ARHGAP24: variants seen among roughly 807,000 people sequenced by gnomAD.
The protein encoded by ARHGAP24 is rho GTPase-activating protein 24.
In ARHGAP24, 50 loss-of-function variants were observed where a neutral mutation model predicts 76.4. The observed-to-expected ratio is 0.65, with a 90% CI of 0.52 to 0.83. The LOEUF is 0.83. ARHGAP24 is among the 40% of genes least tolerant of loss of function. The probability of loss-of-function intolerance (pLI) is 0.00; values close to 1 mark genes in which losing one functional copy is unlikely to be tolerated. For synonymous variants in ARHGAP24, 345 were observed against 323.3 expected (o/e 1.07, Z -0.72); for missense variants, 930 against 914.2 (o/e 1.02, Z -0.22).
intron 2 of ARHGAP24, among the ~76,000 whole-genome samples, chr4:85,603,087 G>T (rs774258431): frequency 2.6e-5 from 4 of 152,158 alleles, no homozygotes; most frequent in Non-Finnish European, 5.9e-5. Flanking sequence ...GTACTGTGAG[G>T]AAATAAACTG....
At chr4:85,681,536 T>C (rs993876583) in intron 2 of ARHGAP24, among the ~76,000 whole-genome samples, 3 of 152,200 alleles carry the variant, frequency 2.0e-5, no homozygotes, top group African/African-American at 4.8e-5. Flanking sequence ...CAATAGTAGA[T>C]AGCAGCTGCA....
intron 1 of ARHGAP24, among the ~76,000 whole-genome samples, chr4:85,486,756 T>G (rs1280766531): frequency 6.6e-6 from 1 of 152,220 alleles, no homozygotes; most frequent in Non-Finnish European, 1.5e-5. Flanking sequence ...TGCGGAAGTT[T>G]CCATTCAATG....
At chr4:85,487,458 A>G (rs1163859749) in intron 1 of ARHGAP24, among the ~76,000 whole-genome samples, 1 of 69,960 alleles carries the variant, frequency 1.4e-5, no homozygotes, top group Non-Finnish European at 2.9e-5. Flanking sequence ...TATATATTAT[A>G]TAAACATATA....
At chr4:85,490,684 A>G (rs982361371) in intron 1 of ARHGAP24, among the ~76,000 whole-genome samples, 1 of 152,216 alleles carries the variant, frequency 6.6e-6, no homozygotes, top group African/African-American at 2.4e-5. Flanking sequence ...AATTAGCCCT[A>G]GCTCTTATTA....
chr4:85,628,527 C>T (rs57062765), intron 2 of ARHGAP24, among the ~76,000 whole-genome samples: 8,003 of 152,120 alleles, frequency 0.053, 682 homozygotes, highest in African/African-American at 0.18. Flanking sequence ...TTATCTGTGG[C>T]GGTGTTCACA....
At chr4:85,891,133 G>A (rs1013112947) in intron 3 of ARHGAP24, among the ~76,000 whole-genome samples, 2 of 152,146 alleles carry the variant, frequency 1.3e-5, no homozygotes, top group African/African-American at 2.4e-5. Flanking sequence ...GTGCTAATAT[G>A]ACTAAATGAC....
At chr4:85,870,989 GA>G (rs1732495869) in intron 3 of ARHGAP24, among the ~76,000 whole-genome samples, 3 of 152,086 alleles carry the variant, frequency 2.0e-5, no homozygotes, top group Admixed American at 2.0e-4. Context: ...GTTGAAATAA[GA>G]GGAGAAATTA....
At chr4:85,559,401 A>AT (rs1365424805) in intron 1 of ARHGAP24, among the ~76,000 whole-genome samples, 15 of 151,014 alleles carry the variant, frequency 9.9e-5, no homozygotes, top group African/African-American at 3.4e-4. Context: ...TCACATCCTT[A>AT]TTTTTTGTGA....
intron 3 of ARHGAP24, among the ~76,000 whole-genome samples, chr4:85,820,713 ACACT>A (rs1451383350): frequency 6.6e-6 from 1 of 152,206 alleles, no homozygotes; most frequent in Non-Finnish European, 1.5e-5. Flanking sequence ...AGTTTGGCTA[ACACT>A]CACCATGATG....
intron 3 of ARHGAP24, among the ~76,000 whole-genome samples, chr4:85,758,329 T>C (rs1156447277): frequency 6.6e-6 from 1 of 151,992 alleles, no homozygotes; most frequent in Non-Finnish European, 1.5e-5. Flanking sequence ...AAGCCACCTG[T>C]GAGTGGATGT....
intron 3 of ARHGAP24, among the ~76,000 whole-genome samples, chr4:85,851,586 C>G (rs928738958): frequency 3.3e-5 from 5 of 152,296 alleles, no homozygotes; most frequent in African/African-American, 9.6e-5. Flanking sequence ...GTGGCTGGTA[C>G]CAGTTGTTCC....
chr4:85,987,718 A>G (rs1740084345), intron 8 of ARHGAP24, among the ~76,000 whole-genome samples: 1 of 152,052 alleles, frequency 6.6e-6, no homozygotes, highest in South Asian at 2.1e-4. Flanking sequence ...ACTTAAAAAG[A>G]ATAAATTCAG....
At chr4:85,952,527 G>T (rs1382847613) in intron 5 of ARHGAP24, among the ~76,000 whole-genome samples, 1 of 152,196 alleles carries the variant, frequency 6.6e-6, no homozygotes, top group Non-Finnish European at 1.5e-5. Context: ...AAACAGAAAA[G>T]GTGGTGTGAG....
At chr4:85,549,481 T>A (rs11946933) in intron 1 of ARHGAP24, among the ~76,000 whole-genome samples, 91,352 of 151,510 alleles carry the variant, frequency 0.6, 29,605 homozygotes, top group Middle Eastern at 0.75. Context: ...TTAAATCTTT[T>A]CTCATTTTCT....
At chr4:85,762,284 A>C (rs761103629) in intron 3 of ARHGAP24, among the ~76,000 whole-genome samples, 1 of 152,238 alleles carries the variant, frequency 6.6e-6, no homozygotes, top group Non-Finnish European at 1.5e-5. Context: ...AGCATGCTAC[A>C]TCATTTGCAC....
At chr4:85,513,222 G>A (rs1724351170) in intron 1 of ARHGAP24, among the ~76,000 whole-genome samples, 1 of 152,218 alleles carries the variant, frequency 6.6e-6, no homozygotes, top group Non-Finnish European at 1.5e-5. Context: ...AAGTTTGTTT[G>A]GTACAGTCAC....
At chr4:85,868,707 A>G (rs888164071) in intron 3 of ARHGAP24, among the ~76,000 whole-genome samples, 3 of 152,272 alleles carry the variant, frequency 2.0e-5, no homozygotes, top group African/African-American at 4.8e-5. Flanking sequence ...TGTAATACTC[A>G]TGTAATGTGT....
chr4:85,977,567 T>C lies in ARHGAP24; in HGVS notation c.807-3T>C, dbSNP rs756037498. 3 of 1,613,286 alleles carry C rather than the reference T, an allele frequency of 1.9e-6. No homozygotes were observed. The highest frequency in any genetic ancestry group is 2.5e-6 in the Non-Finnish European group (3 of 1,179,498). ...ATTTCAATCATATGCTTATACTCCA[T>C]AGATTCTTGGATGAAGTACAGTCCT... is the stretch of plus-strand genomic sequence containing the variant. On this transcript the variant is annotated splice_polypyrimidine_tract_variant and splice_region_variant and intron_variant, in intron 7 of 9. Transcript: ENST00000395184.
chr4:85,948,621 T>C (rs1459553546), intron 5 of ARHGAP24, among the ~76,000 whole-genome samples: 1 of 152,242 alleles, frequency 6.6e-6, no homozygotes, highest in African/African-American at 2.4e-5. Context: ...GTTTATGAAA[T>C]GTGACCTTAT....
Sources: allele counts gnomAD v4.1 joint callset (sites outside exome capture counted in the v4.1 genomes callset), GRCh38; gene constraint gnomAD v4.1.1; transcripts MANE v1.5; gene names NCBI Gene and HGNC (gene_info 2026-07-23, HGNC 2026-07-21).